THUMPD2: variants seen among roughly 807,000 people sequenced by gnomAD.
THUMPD2 encodes U6 snRNA (guanine-N(2))-methyltransferase THUMPD2.
Under a neutral mutation model 49.4 loss-of-function variants are expected in THUMPD2, and 56 were observed. That is an observed-to-expected ratio of 1.13 (90% CI 0.91 to 1.41). The LOEUF is 1.41. THUMPD2 is among the 40% of genes most tolerant of loss of function. The pLI is 0.00. For synonymous variants in THUMPD2, 237 were observed against 205.2 expected (o/e 1.15, Z -1.32); for missense variants, 709 against 594.5 (o/e 1.19, Z -2.00).
intron 9 of THUMPD2, among the ~76,000 whole-genome samples, chr2:39,740,037 A>G (rs904131204): frequency 2.0e-5 from 3 of 152,210 alleles, no homozygotes; most frequent in Non-Finnish European, 4.4e-5. Flanking sequence ...TTGAGTACTT[A>G]ATATGTGCCA....
rs1430029423 is a variant in THUMPD2, at chr2:39,751,489, CT to C, written c.1078+3805del. Among the ~76,000 whole-genome samples the C allele has an allele frequency of 7.9e-5, 12 of 152,188 alleles. No homozygotes were observed. In the South Asian group the frequency reaches 1.0e-3, roughly 13 times the overall value. The stretch of plus-strand genomic sequence containing the variant: ...TTTTAATTAAATCATAAATGTGTTT[CT>C]TTTGCTCAAATCTGTTTATGTTATA... On this transcript the variant is annotated intron_variant, in intron 8 of 9. Transcript: ENST00000505747.
intron 9 of THUMPD2, among the ~76,000 whole-genome samples, chr2:39,737,728 T>G (rs1178055938): frequency 6.6e-6 from 1 of 152,068 alleles, no homozygotes; most frequent in Non-Finnish European, 1.5e-5. Context: ...AGGAGAGAAT[T>G]TCCCAGAGGA....
rs773407731 is a variant in THUMPD2, at chr2:39,737,069, A to G, written c.1188-10T>C. On this transcript the variant is annotated splice_polypyrimidine_tract_variant and intron_variant, in intron 9 of 9. Transcript: ENST00000505747. ...GCCAACATGAAGCACTCTGTGACAA[A>G]AAAAAAATGGTAATTGCTATCTTTC... 6.3e-7 allele frequency: 1 copy of G among 1,577,382 alleles called. No individual in the cohort carries two copies. Among genetic ancestry groups the G allele is most frequent in the African/African-American group, 1.4e-5 (1 of 73,386 alleles).
intron 8 of THUMPD2, 97 bp from the exon 9 acceptor site, chr2:39,744,575 A>G: frequency 2.7e-6 from 2 of 736,924 alleles, no homozygotes; most frequent in Non-Finnish European, 2.1e-6. Flanking sequence ...ATTTTTGCGT[A>G]ACAGATTAAC....
At chr2:39,739,448 A>G (rs1466707492) in intron 9 of THUMPD2, among the ~76,000 whole-genome samples, 1 of 152,172 alleles carries the variant, frequency 6.6e-6, no homozygotes, top group South Asian at 2.1e-4. Context: ...CTACCTAGCT[A>G]GGGTAGCCAC....
intron 6 of THUMPD2, among the ~76,000 whole-genome samples, chr2:39,760,310 G>C (rs1271538063): frequency 6.6e-6 from 1 of 152,154 alleles, no homozygotes; most frequent in African/African-American, 2.4e-5. Context: ...AAAACGGTGT[G>C]TCTTGGCAGA....
rs1558477371 is a variant in THUMPD2 at position 39,736,609 on chromosome 2, C to T, written c.*126G>A. 1 of 775,328 alleles carries T rather than the reference C, an allele frequency of 1.3e-6. No homozygotes were observed. The highest frequency in any genetic ancestry group is 2.0e-6 in the Non-Finnish European group (1 of 495,000). The allele number at this position is 775,328 out of a possible 1,614,324, so 48.0% of individuals were successfully genotyped here. A position where few individuals can be genotyped will look rare whatever the true frequency, so the allele number is the denominator to read the frequency against. ...AAGCATGTGTACCCATCAGCCACAC[C>T]TCCTGTCTTTGGGGGAATTTGGTTA... On this transcript the variant is annotated 3_prime_UTR_variant, in exon 10 of 10. Coordinates refer to ENST00000505747, the MANE Select transcript of THUMPD2 (RefSeq NM_025264.5).
chr2:39,738,810 G>C (rs576463127), intron 9 of THUMPD2, among the ~76,000 whole-genome samples: 1 of 151,918 alleles, frequency 6.6e-6, no homozygotes, highest in Non-Finnish European at 1.5e-5. Context: ...GCAGATGCTC[G>C]TCTGCCAGGG....
Position 39,779,167 on chromosome 2 carries a change from C to G in THUMPD2, c.73G>C (p.Gly25Arg). ...TCTCGCATTACGAACGGCTCCAGGC[C>G]GCGACCCGCAGTGCAGAAGAATCGG... ...GARFFCTAGR[G>R]LEPFVMREVR... Residue 25 changes from glycine to arginine, a missense_variant, in exon 1 of 10, where the codon GGC (glycine) becomes CGC (arginine). Gly to Arg is a moderately radical substitution (Grantham distance 125). Coordinates refer to ENST00000505747, the MANE Select transcript of THUMPD2 (RefSeq NM_025264.5). 1 of 1,520,842 alleles carries G rather than the reference C, an allele frequency of 6.6e-7. No individual in the cohort carries two copies. Among genetic ancestry groups the G allele is most frequent in the Admixed American group, 2.0e-5 (1 of 49,340 alleles). The allele number at this position is 1,520,842 out of a possible 1,614,324, so 94.2% of individuals were successfully genotyped here.
At chr2:39,752,054 AAAAAT>A (rs1265843823) in intron 8 of THUMPD2, among the ~76,000 whole-genome samples, 1 of 152,170 alleles carries the variant, frequency 6.6e-6, no homozygotes, top group African/African-American at 2.4e-5. Flanking sequence ...AAAAGGTAGA[AAAAAT>A]AAAGTCATTA....
intron 4 of THUMPD2, among the ~76,000 whole-genome samples, chr2:39,766,837 A>G (rs1400368039): frequency 6.6e-6 from 1 of 152,174 alleles, no homozygotes; most frequent in Non-Finnish European, 1.5e-5. Context: ...TTCATCAAGA[A>G]AAGACTTACC....
Position 39,769,823 on chromosome 2 carries a change from C to G in THUMPD2, c.559G>C (p.Glu187Gln), listed in dbSNP as rs1678072320. ...TTCTCTATGTCATTCTGAAATTCTT[C>G]TTCTTGAAACTTTTCGCTTTTAGTG... is the stretch of plus-strand genomic sequence containing the variant. The part of the protein sequence containing the change: ...FTTKSEKFQE[E>Q]EFQNDIEKAI... The change falls in exon 3 of 10, where the codon GAA becomes CAA. Residue 187 changes from glutamate (E) to glutamine (Q), a missense_variant. By Grantham distance (29) the Glu-to-Gln change is conservative (BLOSUM62 2). Transcript: ENST00000505747. The G allele has an allele frequency of 1.2e-6, 2 of 1,611,514 alleles. No homozygotes were observed. The highest frequency in any genetic ancestry group is 1.3e-5 in the African/African-American group (1 of 74,654).
intron 1 of THUMPD2, among the ~76,000 whole-genome samples, chr2:39,772,748 T>C (rs942389411): frequency 1.3e-5 from 2 of 152,188 alleles, no homozygotes; most frequent in African/African-American, 2.4e-5. Flanking sequence ...TTGAATAACA[T>C]GGTTCTAAAT....
At chr2:39,752,602 G>C (rs1468886007) in intron 8 of THUMPD2, among the ~76,000 whole-genome samples, 1 of 152,168 alleles carries the variant, frequency 6.6e-6, no homozygotes, top group South Asian at 2.1e-4. Flanking sequence ...AAGACATATA[G>C]TTCCTCCTAG....
At chr2:39,753,144 T>G (rs1024109762) in intron 8 of THUMPD2, among the ~76,000 whole-genome samples, 1 of 152,186 alleles carries the variant, frequency 6.6e-6, no homozygotes, top group Non-Finnish European at 1.5e-5. Context: ...TTTCTTTCAG[T>G]TACTGTCCCA....
chr2:39,761,660 C>G (rs1676842537), intron 5 of THUMPD2, among the ~76,000 whole-genome samples: 1 of 152,148 alleles, frequency 6.6e-6, no homozygotes, highest in East Asian at 1.9e-4. Flanking sequence ...AATTTACACT[C>G]TCACGTATTT....
intron 4 of THUMPD2, among the ~76,000 whole-genome samples, chr2:39,767,560 C>T (rs1299499151): frequency 3.1e-5 from 4 of 130,706 alleles, no homozygotes; most frequent in Non-Finnish European, 4.7e-5. Context: ...GCCGAGATCC[C>T]GCCACTGCAC....
At chr2:39,761,496 T>C (rs764221910) in intron 5 of THUMPD2, 78 bp from the exon 6 acceptor site, 9 of 1,297,324 alleles carry the variant, frequency 6.9e-6, no homozygotes, top group Non-Finnish European at 8.9e-6. Context: ...TGTCCAAATC[T>C]GAGAATCATT....
chr2:39,777,005 C>A (rs1194438572), intron 1 of THUMPD2, among the ~76,000 whole-genome samples: 1 of 151,674 alleles, frequency 6.6e-6, no homozygotes, highest in Non-Finnish European at 1.5e-5. Flanking sequence ...TTGAATTAAT[C>A]TGTTTTGTAA....
Sources: gnomAD v4.1 joint callset for allele counts (sites outside exome capture counted in the v4.1 genomes callset) on GRCh38, gnomAD v4.1.1 for gene constraint, MANE v1.5 for transcripts, NCBI Gene and HGNC (gene_info 2026-07-23, HGNC 2026-07-21) for gene names.